PACRG: variants seen among roughly 807,000 people sequenced by gnomAD.
PACRG encodes parkin coregulated, also known as parkin coregulated gene protein.
PACRG carries 29 observed loss-of-function variants against 29.7 expected under a neutral mutation model. That is an observed-to-expected ratio of 0.98 (90% CI 0.73 to 1.33). PACRG has a LOEUF of 1.33. Among genes scored for constraint, PACRG ranks in the 40% most tolerant of loss-of-function variants. The pLI is 0.00. For missense variants in PACRG, 279 were observed against 316.2 expected, an observed-to-expected ratio of 0.88 and a Z score of 0.89; for synonymous variants, 116 against 118.7, an observed-to-expected ratio of 0.98 and a Z score of 0.15.
chr6:162,922,721 T>C (rs1797155477), intron 2 of PACRG, among the ~76,000 whole-genome samples: 2 of 152,196 alleles, frequency 1.3e-5, no homozygotes, highest in South Asian at 4.1e-4. Flanking sequence ...TCCAGGCTCA[T>C]CCATGTTGCT....
At chr6:163,208,951 G>A (rs1444667980) in intron 4 of PACRG, among the ~76,000 whole-genome samples, 1 of 152,194 alleles carries the variant, frequency 6.6e-6, no homozygotes, top group Non-Finnish European at 1.5e-5. Context: ...TTCCCCCTCT[G>A]TGTTAAATTT....
At chr6:163,108,919 T>G (rs1404431096) in intron 4 of PACRG, among the ~76,000 whole-genome samples, 1 of 152,146 alleles carries the variant, frequency 6.6e-6, no homozygotes, top group African/African-American at 2.4e-5. Context: ...AGAATAATAT[T>G]CACCAAGAAA....
chr6:163,090,600 G>T (rs941557354), intron 4 of PACRG, among the ~76,000 whole-genome samples: 2 of 152,036 alleles, frequency 1.3e-5, no homozygotes, highest in African/African-American at 4.8e-5. Context: ...TACTACATTT[G>T]GAAAATACTT....
At chr6:162,988,303 A>T (rs1234996119) in intron 2 of PACRG, among the ~76,000 whole-genome samples, 1 of 152,196 alleles carries the variant, frequency 6.6e-6, no homozygotes, top group Non-Finnish European at 1.5e-5. Flanking sequence ...TGGAGCAGAG[A>T]TTTAACTGAA....
intron 2 of PACRG, among the ~76,000 whole-genome samples, chr6:162,966,637 C>T (rs9458693): frequency 0.16 from 24,227 of 151,794 alleles, 3,462 homozygotes; most frequent in African/African-American, 0.38. Context: ...CCACCATGCC[C>T]GGCTAATTTT....
At chr6:163,269,902 G>GAAAAC (rs532538281) in intron 4 of PACRG, among the ~76,000 whole-genome samples, 5 of 64,102 alleles carry the variant, frequency 7.8e-5, no homozygotes, top group African/African-American at 1.9e-4. Flanking sequence ...AACAAAGAAA[G>GAAAAC]AAAGAAAGAA....
chr6:163,199,460 C>G (rs903166227), intron 4 of PACRG, among the ~76,000 whole-genome samples: 3 of 152,164 alleles, frequency 2.0e-5, no homozygotes, highest in Non-Finnish European at 4.4e-5. Flanking sequence ...AACCCTATAA[C>G]CCAGGGACTA....
rs1787742469 is a variant in PACRG, at chr6:162,820,387, A to T, written c.291+6106A>T. On this transcript the variant is annotated intron_variant, in intron 2 of 4. Transcript: ENST00000366888. ...CAATGTGACTGTTTTCATTGACATA[A>T]CTGATAATTTCCTAGTAGGAAAAAC... Among the ~76,000 whole-genome samples the T allele has an allele frequency of 2.6e-5, 4 of 152,172 alleles. No individual in the cohort carries two copies. In the South Asian group the frequency reaches 8.3e-4, roughly 32 times the overall value.
chr6:163,091,157 A>G (rs1814075838), intron 4 of PACRG, among the ~76,000 whole-genome samples: 1 of 152,206 alleles, frequency 6.6e-6, no homozygotes, highest in Non-Finnish European at 1.5e-5. Flanking sequence ...ATCCCTGTAT[A>G]AAAGTAGAAA....
intron 4 of PACRG, among the ~76,000 whole-genome samples, chr6:163,249,368 C>G (rs1396092389): frequency 6.6e-6 from 1 of 152,176 alleles, no homozygotes; most frequent in Non-Finnish European, 1.5e-5. Context: ...TGCCCATTAT[C>G]CAGCCTTTCA....
intron 2 of PACRG, among the ~76,000 whole-genome samples, chr6:162,909,044 C>T (rs1226066228): frequency 6.6e-6 from 1 of 152,200 alleles, no homozygotes; most frequent in African/African-American, 2.4e-5. Context: ...GTATACACGA[C>T]TCCTCTTGAC....
At chr6:162,947,583 C>CATATATATATATAATCATATAT in intron 2 of PACRG, among the ~76,000 whole-genome samples, 1 of 42,052 alleles carries the variant, frequency 2.4e-5, no homozygotes, top group Admixed American at 4.1e-4. Flanking sequence ...CATATATAAT[C>CATATATATATATAATCATATAT]ATATATATAA....
At chr6:162,740,681 C>G (rs770255004) in intron 1 of PACRG, among the ~76,000 whole-genome samples, 58 of 151,086 alleles carry the variant, frequency 3.8e-4, no homozygotes, top group Non-Finnish European at 7.4e-4. Context: ...CTCACTGCAA[C>G]CTCTGCCCCC....
chr6:163,058,014 G>A (rs1472432518), intron 2 of PACRG, among the ~76,000 whole-genome samples: 1 of 152,114 alleles, frequency 6.6e-6, no homozygotes, highest in Non-Finnish European at 1.5e-5. Context: ...AAAGAAAACA[G>A]ATTCTTACTG....
chr6:163,181,539 G>T (rs1372013265), intron 4 of PACRG, among the ~76,000 whole-genome samples: 1 of 144,658 alleles, frequency 6.9e-6, no homozygotes, highest in East Asian at 2.1e-4. Context: ...CACCCCCAGA[G>T]GATTTGCCCC....
intron 2 of PACRG, among the ~76,000 whole-genome samples, chr6:162,947,696 G>C (rs1172771416): frequency 7.9e-6 from 1 of 127,018 alleles, no homozygotes; most frequent in Non-Finnish European, 1.6e-5. Flanking sequence ...AATAAATTCA[G>C]TAAAGTTGCA....
chr6:163,297,324 G>A (rs1483213153), intron 4 of PACRG, among the ~76,000 whole-genome samples: 1 of 152,196 alleles, frequency 6.6e-6, no homozygotes, highest in African/African-American at 2.4e-5. Flanking sequence ...TCAGGTTGCT[G>A]GCATGGTTTT....
chr6:163,240,693 A>G (rs978207876), intron 4 of PACRG, among the ~76,000 whole-genome samples: 3 of 152,110 alleles, frequency 2.0e-5, no homozygotes, highest in Admixed American at 1.3e-4. Context: ...TCAGCTGTAG[A>G]GTCATTAACC....
At chr6:162,923,275 G>T (rs1000831110) in intron 2 of PACRG, among the ~76,000 whole-genome samples, 1 of 152,020 alleles carries the variant, frequency 6.6e-6, no homozygotes, top group Non-Finnish European at 1.5e-5. Context: ...TCTGGTGTTC[G>T]TCCCTTGTCA....
Sources: gnomAD v4.1 joint callset for allele counts (sites outside exome capture counted in the v4.1 genomes callset) on GRCh38, gnomAD v4.1.1 for gene constraint, MANE v1.5 for transcripts, NCBI Gene and HGNC (gene_info 2026-07-23, HGNC 2026-07-21) for gene names.